SIPA1L1: variants seen among roughly 807,000 people sequenced by gnomAD.
The protein encoded by SIPA1L1 is signal-induced proliferation-associated 1-like protein 1.
Under a neutral mutation model 162.7 loss-of-function variants are expected in SIPA1L1, and 26 were observed. The observed-to-expected ratio is 0.16, with a 90% CI of 0.12 to 0.22. SIPA1L1 has a LOEUF of 0.22. SIPA1L1 is among the 10% of genes least tolerant of loss of function. The pLI, the probability that SIPA1L1 is intolerant of heterozygous loss-of-function variation, is 1.00. For missense variants in SIPA1L1, 1,874 were observed against 2,241.0 expected (o/e 0.84, Z 3.31); for synonymous variants, 829 against 837.4 (o/e 0.99, Z 0.17).
chr14:71,509,247 T>G (rs1042406622), intron 2 of SIPA1L1, among the ~76,000 whole-genome samples: 5 of 152,216 alleles, frequency 3.3e-5, no homozygotes, highest in African/African-American at 1.2e-4. Context: ...TGAATTTCTG[T>G]TTTTATTTTC....
chr14:71,393,280 A>G (rs2040913102), intron 2 of SIPA1L1, among the ~76,000 whole-genome samples: 1 of 152,244 alleles, frequency 6.6e-6, no homozygotes. Flanking sequence ...AAAAAAGGGT[A>G]AAATGAGGCT....
chr14:71,671,842 C>T (rs546829962), intron 11 of SIPA1L1, 150 bp downstream of exon 11: 1 of 633,408 alleles, frequency 1.6e-6, no homozygotes, highest in Non-Finnish European at 2.7e-6. Context: ...TTATCTCATG[C>T]TTGTGTTTTC....
chr14:71,506,816 CTTTTT>C (rs78108179), intron 2 of SIPA1L1, among the ~76,000 whole-genome samples: 1 of 139,384 alleles, frequency 7.2e-6, no homozygotes, highest in Non-Finnish European at 1.6e-5. Flanking sequence ...ATTTTGTAAT[CTTTTT>C]TTTTTTTTTC....
In SIPA1L1 at chr14:71,437,521, C is replaced by T. The variant is rs373246797; in HGVS notation, c.-464-75222C>T. Among the ~76,000 whole-genome samples the T allele has an allele frequency of 3.9e-5, 6 of 152,236 alleles. No individual in the cohort carries two copies. In the East Asian group the frequency reaches 9.7e-4, roughly 24 times the overall value. ...AGTAGCTAGGATTACAGGTGTGTTT[C>T]ACTTCACTTAGCAAATTTTTGTATT... is the stretch of plus-strand genomic sequence containing the variant. On this transcript the variant is annotated intron_variant, in intron 2 of 23. Transcript: ENST00000381232.
At chr14:71,649,319 G>A (rs555405347) in intron 7 of SIPA1L1, among the ~76,000 whole-genome samples, 2 of 151,412 alleles carry the variant, frequency 1.3e-5, no homozygotes, top group South Asian at 2.1e-4. Context: ...AACCTCCCGA[G>A]TAGCTGGGAC....
intron 4 of SIPA1L1, among the ~76,000 whole-genome samples, chr14:71,584,257 A>G (rs944278400): frequency 6.6e-6 from 1 of 152,194 alleles, no homozygotes; most frequent in African/African-American, 2.4e-5. Flanking sequence ...AGGAGTACAG[A>G]TGCTTCACAG....
intron 12 of SIPA1L1, among the ~76,000 whole-genome samples, chr14:71,680,136 C>G (rs904795938): frequency 6.6e-6 from 1 of 152,220 alleles, no homozygotes; most frequent in Non-Finnish European, 1.5e-5. Context: ...CTTCTCAGCA[C>G]CACCTTGCAC....
At chr14:71,330,751 C>T (rs1260844944) in intron 2 of SIPA1L1, 1 of 814,856 alleles carries the variant, frequency 1.2e-6, no homozygotes, top group Non-Finnish European at 2.2e-6. Flanking sequence ...AGGAATCTGG[C>T]TGTCTATCTC....
At chr14:71,484,229 C>G (rs1477323587) in intron 2 of SIPA1L1, among the ~76,000 whole-genome samples, 1 of 151,356 alleles carries the variant, frequency 6.6e-6, no homozygotes, top group East Asian at 1.9e-4. Context: ...AGTCACTCTG[C>G]CTCTCATTTT....
chr14:71,350,661 ACAAG>A (rs1216824561), intron 2 of SIPA1L1, among the ~76,000 whole-genome samples: 3 of 152,192 alleles, frequency 2.0e-5, no homozygotes, highest in African/African-American at 7.2e-5. Context: ...GGAAACTCTT[ACAAG>A]AGTGAAGTTA....
intron 2 of SIPA1L1, among the ~76,000 whole-genome samples, chr14:71,420,551 G>T (rs2043111496): frequency 6.6e-6 from 1 of 152,142 alleles, no homozygotes; most frequent in Non-Finnish European, 1.5e-5. Flanking sequence ...AGATCACTCA[G>T]TCTTCACTAA....
rs146483394 is a variant in SIPA1L1, at chr14:71,587,985, G to A, written c.113G>A (p.Arg38His). 85 of 1,613,958 alleles carry A rather than the reference G, an allele frequency of 5.3e-5. No homozygotes were observed. In the African/African-American group the frequency reaches 8.8e-4, roughly 17 times the overall value. ...CACACTGATGATTTCTACATGCGGC[G>A]CTTCCGGTCCCAAAATGGCAGCTTA... Reference protein sequence around the residue: ...KVHTDDFYMRRFRSQNGSLGS... With the variant: ...KVHTDDFYMRHFRSQNGSLGS... The change falls in exon 5 of 24, where the codon CGC (arginine) becomes CAC (histidine). Residue 38 changes from arginine to histidine, a missense_variant. By Grantham distance (29) the Arg-to-His change is conservative (BLOSUM62 0). Coordinates refer to ENST00000381232, the MANE Select transcript of SIPA1L1 (RefSeq NM_001386936.1).
intron 4 of SIPA1L1, among the ~76,000 whole-genome samples, chr14:71,566,331 A>G (rs1440157698): frequency 6.6e-6 from 1 of 152,240 alleles, no homozygotes; most frequent in Admixed American, 6.5e-5. Flanking sequence ...CTCAATATTA[A>G]AAATAATTTA....
At chr14:71,328,333 A>T (rs915281193) in intron 2 of SIPA1L1, among the ~76,000 whole-genome samples, 1 of 152,144 alleles carries the variant, frequency 6.6e-6, no homozygotes, top group African/African-American at 2.4e-5. Context: ...TTTGGGTGGG[A>T]TGTGTGTTTG....
chr14:71,365,686 T>C (rs1280184684), intron 2 of SIPA1L1, among the ~76,000 whole-genome samples: 1 of 152,094 alleles, frequency 6.6e-6, no homozygotes, highest in Admixed American at 6.5e-5. Context: ...GTAGCACACA[T>C]GGTTTTTAAC....
At chr14:71,431,165 A>G (rs781527500) in intron 2 of SIPA1L1, among the ~76,000 whole-genome samples, 35 of 152,266 alleles carry the variant, frequency 2.3e-4, no homozygotes, top group Non-Finnish European at 3.8e-4. Context: ...TTTTCATACA[A>G]TCAGCTTTCA....
At chr14:71,574,866 G>A (rs1359196488) in intron 4 of SIPA1L1, 1 of 151,992 alleles carries the variant, frequency 6.6e-6, no homozygotes, top group Non-Finnish European at 1.5e-5. Flanking sequence ...TTTAAGTTTA[G>A]GGGATTAGAT....
At chr14:71,728,151 A>C (rs2084414860) in intron 19 of SIPA1L1, among the ~76,000 whole-genome samples, 2 of 152,224 alleles carry the variant, frequency 1.3e-5, no homozygotes. Context: ...CAGTTTTTTC[A>C]TACAGAAATC....
chr14:71,704,727 G>A, intron 15 of SIPA1L1: 1 of 1,612,352 alleles, frequency 6.2e-7, no homozygotes, highest in East Asian at 2.2e-5. Context: ...TCAGCTTACA[G>A]TTATAGAGGA....
Sources: allele counts gnomAD v4.1 joint callset (sites outside exome capture counted in the v4.1 genomes callset), GRCh38; gene constraint gnomAD v4.1.1; transcripts MANE v1.5; gene names NCBI Gene and HGNC (gene_info 2026-07-23, HGNC 2026-07-21).